Variants in JAK2 observed in about 807,000 individuals in gnomAD.
JAK2 encodes the protein tyrosine-protein kinase JAK2.
A neutral mutation model predicts 139.3 loss-of-function variants in JAK2; 86 were observed. The observed-to-expected ratio is 0.62, with a 90% CI of 0.52 to 0.74. The LOEUF is 0.74. JAK2 is among the 30% of genes least tolerant of loss of function. The probability of loss-of-function intolerance (pLI) is 0.00; values close to 1 mark genes in which losing one functional copy is unlikely to be tolerated. For synonymous variants in JAK2, 490 were observed against 437.7 expected (o/e 1.12, Z -1.49); for missense variants, 1,421 against 1,360.3 (o/e 1.04, Z -0.70).
Position 5,092,288 on chromosome 9 carries a change from C to T in JAK2, c.3059+1377C>T, listed in dbSNP as rs767055948. Among the ~76,000 whole-genome samples, 3 of 152,130 alleles carry T rather than the reference C, an allele frequency of 2.0e-5. No individual in the cohort carries two copies. The East Asian group carries it at 5.8e-4, about 29-fold the overall frequency. On this transcript the variant is annotated intron_variant, in intron 22 of 24. Transcript: ENST00000381652. ...GTTGAATAAGGCCACGAAGCACGCACACACTGCCTGTCACCCTCCGCAAAT... is the reference window on the plus strand; with the variant it reads ...GTTGAATAAGGCCACGAAGCACGCATACACTGCCTGTCACCCTCCGCAAAT...
At chr9:5,048,453 C>A (rs1486509259) in intron 5 of JAK2, among the ~76,000 whole-genome samples, 1 of 152,060 alleles carries the variant, frequency 6.6e-6, no homozygotes, top group Non-Finnish European at 1.5e-5. Flanking sequence ...TCTACTAGTT[C>A]TATAGGGAAC....
chr9:5,095,269 A>T (rs928069500), intron 22 of JAK2, among the ~76,000 whole-genome samples: 27 of 151,812 alleles, frequency 1.8e-4, no homozygotes, highest in African/African-American at 6.5e-4. Flanking sequence ...TACTATTTTC[A>T]CAGGAACCCT....
Position 5,085,626 on chromosome 9 carries a change from A to G in JAK2, c.2571+3765A>G, listed in dbSNP as rs145154874. The G allele has an allele frequency of 3.4e-4, 240 of 710,308 alleles. 3 individuals carry two copies. The East Asian group carries it at 5.0e-3, about 15-fold the overall frequency. 44.0% of individuals were successfully genotyped at this position (710,308 alleles called of 1,614,324 possible). A position where few individuals can be genotyped will look rare whatever the true frequency, so the allele number is the denominator to read the frequency against. ...AAAGAATTAAATCTCCAGCAAGGAC[A>G]GCCTTCTTTTCACCCCAGATCTTGT... On this transcript the variant is annotated intron_variant, in intron 19 of 24. Coordinates refer to ENST00000381652, the MANE Select transcript of JAK2 (RefSeq NM_004972.4).
intron 5 of JAK2, among the ~76,000 whole-genome samples, chr9:5,046,675 G>A (rs1242007952): frequency 6.6e-6 from 1 of 152,050 alleles, no homozygotes; most frequent in Non-Finnish European, 1.5e-5. Flanking sequence ...GAATGGTCTT[G>A]GCACCTTTGT....
At chr9:5,086,376 C>T (rs183035265) in intron 19 of JAK2, among the ~76,000 whole-genome samples, 1 of 142,822 alleles carries the variant, frequency 7.0e-6, no homozygotes, top group African/African-American at 3.0e-5. Flanking sequence ...TTCCTTTTTC[C>T]TCCATGGTGC....
chr9:4,987,690 C>G (rs1177402579), intron 2 of JAK2, among the ~76,000 whole-genome samples: 3 of 124,020 alleles, frequency 2.4e-5, no homozygotes, highest in South Asian at 2.5e-4. Flanking sequence ...GAGCCGAGAT[C>G]TCACCACTGC....
intron 2 of JAK2, among the ~76,000 whole-genome samples, chr9:5,010,330 CTT>C (rs954103463): frequency 1.4e-5 from 2 of 144,460 alleles, no homozygotes. Flanking sequence ...TGTCAGTTGT[CTT>C]TTTTTTTTTT....
chr9:4,998,072 AT>A (rs1820687246), intron 2 of JAK2, among the ~76,000 whole-genome samples: 1 of 152,184 alleles, frequency 6.6e-6, no homozygotes, highest in South Asian at 2.1e-4. Context: ...ATTTTTTTGA[AT>A]ATCAATAGCA....
chr9:4,997,335 G>C (rs542654808), intron 2 of JAK2, among the ~76,000 whole-genome samples: 18 of 152,280 alleles, frequency 1.2e-4, no homozygotes, highest in Non-Finnish European at 2.2e-4. Context: ...TTACAAGCAT[G>C]GGGCTGACAT....
At chr9:5,112,395 G>C (rs1469014644) in intron 22 of JAK2, 1 of 444,294 alleles carries the variant, frequency 2.3e-6, no homozygotes, top group Non-Finnish European at 4.2e-6. Context: ...AATCAAGCGG[G>C]AGGAGGAGGA....
At chr9:5,087,759 A>C (rs2130660222) in intron 19 of JAK2, among the ~76,000 whole-genome samples, 1 of 151,874 alleles carries the variant, frequency 6.6e-6, no homozygotes, top group Non-Finnish European at 1.5e-5. Context: ...AGTGTGTATC[A>C]AGTCCCTTTG....
At chr9:5,056,286 T>C (rs1228838979) in intron 8 of JAK2, among the ~76,000 whole-genome samples, 2 of 152,112 alleles carry the variant, frequency 1.3e-5, no homozygotes, top group East Asian at 3.8e-4. Context: ...TTTTTTTAAA[T>C]AGCTTCAGAA....
At chr9:5,004,186 T>C (rs1175043425) in intron 2 of JAK2, among the ~76,000 whole-genome samples, 2 of 152,192 alleles carry the variant, frequency 1.3e-5, no homozygotes, top group Non-Finnish European at 2.9e-5. Context: ...ATACGATATA[T>C]TGTTATTGGT....
At chr9:5,107,897 G>C (rs1373579547) in intron 22 of JAK2, 1 of 152,104 alleles carries the variant, frequency 6.6e-6, no homozygotes, top group Non-Finnish European at 1.5e-5. Flanking sequence ...ATACGGCCTA[G>C]ATTACACACA....
At chr9:5,043,655 C>T (rs940006987) in intron 4 of JAK2, among the ~76,000 whole-genome samples, 6 of 152,164 alleles carry the variant, frequency 3.9e-5, no homozygotes, top group African/African-American at 7.2e-5. Context: ...ACTCTTCATA[C>T]TAGCGTTATT....
chr9:4,990,669 G>C (rs1314179952), intron 2 of JAK2, among the ~76,000 whole-genome samples: 3 of 152,072 alleles, frequency 2.0e-5, no homozygotes, highest in Non-Finnish European at 4.4e-5. Flanking sequence ...TCAACATGTT[G>C]ATCATTGGCA....
At position 5,054,985 on chromosome 9, in the gene JAK2, C is replaced by T; in HGVS notation, c.936+101C>T. On this transcript the variant is annotated intron_variant, in intron 7 of 24. Transcript: ENST00000381652. This position sits in a 1 kb window ranked among gnomAD's most constrained non-coding sequence, Gnocchi z 4.9. Reference sequence around the variant, plus strand: ...TTTGCAACATGGTATTGCACTTCTCCCATTTGATAGAAGTGGAAGTTTTTA... The same window carrying T: ...TTTGCAACATGGTATTGCACTTCTCTCATTTGATAGAAGTGGAAGTTTTTA... The T allele has an allele frequency of 1.2e-6, 1 of 815,704 alleles. No individual in the cohort carries two copies. Among genetic ancestry groups the T allele is most frequent in the Non-Finnish European group, 1.9e-6 (1 of 532,876 alleles). The allele number at this position is 815,704 out of a possible 1,614,324, so 50.5% of individuals were successfully genotyped here. A position where few individuals can be genotyped will look rare whatever the true frequency, so the allele number is the denominator to read the frequency against.
At chr9:5,019,868 A>AACTTT (rs1327925269) in intron 2 of JAK2, among the ~76,000 whole-genome samples, 1 of 152,220 alleles carries the variant, frequency 6.6e-6, no homozygotes, top group East Asian at 1.9e-4. Flanking sequence ...GGCTGTGGTG[A>AACTTT]ACTTTTGCTG....
At chr9:5,103,221 CAAAAAAAAAAAAAAA>C (rs56691830) in intron 22 of JAK2, among the ~76,000 whole-genome samples, 20 of 6,860 alleles carry the variant, frequency 2.9e-3, no homozygotes, top group African/African-American at 5.3e-3. Flanking sequence ...AAAGGGAAAG[CAAAAAAAAAAAAAAA>C]AAAAAAAAAA....
Sources: allele counts gnomAD v4.1 joint callset (sites outside exome capture counted in the v4.1 genomes callset), GRCh38; gene constraint gnomAD v4.1.1; non-coding constraint Gnocchi (gnomAD v3.1); transcripts MANE v1.5; gene names NCBI Gene and HGNC (gene_info 2026-07-23, HGNC 2026-07-21).